The following RALGAPA2 variants were observed in gnomAD, a reference collection of about 807,000 sequenced individuals.
RALGAPA2 encodes ral GTPase-activating protein subunit alpha-2.
Under a neutral mutation model 230.4 loss-of-function variants are expected in RALGAPA2, and 139 were observed. The observed-to-expected ratio is 0.60, with a 90% CI of 0.53 to 0.69. The LOEUF is 0.69. Ranked by LOEUF, RALGAPA2 falls within the 30% of genes least tolerant of loss-of-function variation. RALGAPA2 has a pLI of 0.00. For synonymous variants in RALGAPA2, 847 were observed against 837.8 expected (o/e 1.01, Z -0.19); for missense variants, 2,163 against 2,276.0 (o/e 0.95, Z 1.01).
chr20:20,541,054 A>AG (rs1337404234), intron 24 of RALGAPA2, among the ~76,000 whole-genome samples: 5 of 88,402 alleles, frequency 5.7e-5, no homozygotes, highest in Non-Finnish European at 1.1e-4. Context: ...AAAAGTCAGG[A>AG]GAATTTTTTT....
chr20:20,699,890 C>T (rs1235948087), intron 1 of RALGAPA2, among the ~76,000 whole-genome samples: 1 of 152,272 alleles, frequency 6.6e-6, no homozygotes, highest in South Asian at 2.1e-4. Flanking sequence ...ATGTGGAAAG[C>T]AGTTTTGAGT....
At position 20,596,099 on chromosome 20, in the gene RALGAPA2, T is replaced by C. The variant is rs78279644; in HGVS notation, c.2204-4785A>G. On this transcript the variant is annotated intron_variant, in intron 16 of 39. Coordinates refer to ENST00000202677, the MANE Select transcript of RALGAPA2 (RefSeq NM_020343.4). ...CCAACTGTGTTTCTTTATGTAGCTA[T>C]TCATATTAATGGAAACAGGTGGTTG... 7.0e-3 allele frequency among the ~76,000 whole-genome samples: 1,068 copies of C among 152,330 alleles called. 13 individuals are homozygous for C. The highest frequency in any genetic ancestry group is 0.024 in the African/African-American group (1,012 of 41,574).
At chr20:20,640,948 G>A (rs6082079) in intron 5 of RALGAPA2, 70 bp from the exon 6 acceptor site, 67,376 of 1,346,220 alleles carry the variant, frequency 0.05, 2,375 homozygotes, top group East Asian at 0.14. Context: ...ATGTAGCATC[G>A]GTCTTGAGAA....
In RALGAPA2 at chr20:20,411,091, A is replaced by C. The variant is rs189735260; in HGVS notation, c.5617+936T>G. Among the ~76,000 whole-genome samples the C allele has an allele frequency of 5.9e-3, 896 of 152,326 alleles. 4 individuals are homozygous for C. The highest frequency in any genetic ancestry group is 9.5e-3 in the Non-Finnish European group (643 of 68,028). ...TATAAGATATTTGTTAACAAGTCAG[A>C]ATAGGAGAAGTAAGGCAGTGTTCAG... On this transcript the variant is annotated intron_variant, in intron 38 of 39. Transcript: ENST00000202677.
chr20:20,505,419 C>T lies in RALGAPA2; in HGVS notation c.5044G>A (p.Gly1682Arg). 1 of 1,598,260 alleles carries T rather than the reference C, an allele frequency of 6.3e-7. No homozygotes were observed. Among genetic ancestry groups the T allele is most frequent in the Non-Finnish European group, 8.5e-7 (1 of 1,172,072 alleles). ...QAYEDFVAGL[G>R]WEVDLSTHCG... is the part of the protein sequence containing the mutation. Reference sequence around the variant, plus strand: ...TGAATGAAATGCATTACCTCCCATCCAAGTCCAGCAACAAAGTCTTCATAT... The same window carrying T: ...TGAATGAAATGCATTACCTCCCATCTAAGTCCAGCAACAAAGTCTTCATAT... The change falls in exon 34 of 40, where the codon GGA becomes AGA. Residue 1682 changes from glycine (G) to arginine (R), a missense_variant. Gly to Arg is a moderately radical substitution (Grantham distance 125). Coordinates refer to ENST00000202677, the MANE Select transcript of RALGAPA2 (RefSeq NM_020343.4).
At chr20:20,527,380 G>A (rs2063236906) in intron 27 of RALGAPA2, among the ~76,000 whole-genome samples, 1 of 152,120 alleles carries the variant, frequency 6.6e-6, no homozygotes, top group Admixed American at 6.5e-5. Flanking sequence ...GCCTTCTCTG[G>A]CCACAGAGAC....
chr20:20,513,264 C>A lies in RALGAPA2; in HGVS notation c.4105G>T (p.Glu1369Ter). 6.8e-7 allele frequency: 1 copy of A among 1,473,084 alleles called. No homozygotes were observed. The highest frequency in any genetic ancestry group is 9.0e-7 in the Non-Finnish European group (1 of 1,112,608). The allele number at this position is 1,473,084 out of a possible 1,614,324, so 91.3% of individuals were successfully genotyped here. A position where few individuals can be genotyped will look rare whatever the true frequency, so the allele number is the denominator to read the frequency against. ...VEEEKKRRSL[E>*]LIPLTARMVM... is the part of the protein sequence containing the mutation. ...ATTCGAGCAGTCAAAGGGATCAACT[C>A]CAAACTTCTTCTCTTCTTCTCTGTA... Residue 1369 changes from glutamate (E) to a stop codon, truncating the protein, a stop_gained, in exon 32 of 40, where the codon GAG becomes TAG. Transcript: ENST00000202677. LOFTEE classifies it high-confidence loss of function.
chr20:20,616,354 T>A (rs919238140), intron 12 of RALGAPA2, among the ~76,000 whole-genome samples, 163 bp from the exon 13 acceptor site: 4 of 151,786 alleles, frequency 2.6e-5, no homozygotes, highest in East Asian at 1.9e-4. Flanking sequence ...ATATTCAAAA[T>A]TTTTTTTTGG....
At chr20:20,673,239 A>C (rs2068200210) in intron 3 of RALGAPA2, among the ~76,000 whole-genome samples, 1 of 151,426 alleles carries the variant, frequency 6.6e-6, no homozygotes. Context: ...AAAATGAAAA[A>C]AAAGAAGCCA....
chr20:20,526,237 G>GA lies in RALGAPA2; in HGVS notation c.3693+14dup, dbSNP rs748267680. The GA allele has an allele frequency of 9.9e-6, 15 of 1,516,474 alleles. No homozygotes were observed. In the African/African-American group the frequency reaches 1.9e-4, roughly 20 times the overall value. The allele number at this position is 1,516,474 out of a possible 1,614,324, so 93.9% of individuals were successfully genotyped here. The stretch of plus-strand genomic sequence containing the variant: ...GAAATGCTTATGTTTTAGTATTACA[G>GA]AAAAAAAGACTTACTTCTGCCATTT... On this transcript the variant is annotated intron_variant, in intron 28 of 39. Coordinates refer to ENST00000202677, the MANE Select transcript of RALGAPA2 (RefSeq NM_020343.4).
At chr20:20,394,078 C>T (rs1382942624) in intron 39 of RALGAPA2, among the ~76,000 whole-genome samples, 2 of 152,216 alleles carry the variant, frequency 1.3e-5, no homozygotes, top group Non-Finnish European at 2.9e-5. Context: ...ACATCTTCCT[C>T]CCTGCGTGAT....
In RALGAPA2 at chr20:20,440,199, C is replaced by CA. The variant is rs1372027787; in HGVS notation, c.5496-28052dup. 3.3e-5 allele frequency among the ~76,000 whole-genome samples: 5 copies of CA among 152,140 alleles called. No individual in the cohort carries two copies. In the East Asian group the frequency reaches 9.7e-4, roughly 29 times the overall value. Reference sequence around the variant, plus strand: ...GCTTTATAAAGGAAGATAGAGAAAGCAAAATGACCTGGCCCAGAATACATG... The same window carrying CA: ...GCTTTATAAAGGAAGATAGAGAAAGCAAAAATGACCTGGCCCAGAATACATG... On this transcript the variant is annotated intron_variant, in intron 37 of 39. Coordinates refer to ENST00000202677, the MANE Select transcript of RALGAPA2 (RefSeq NM_020343.4).
intron 37 of RALGAPA2, among the ~76,000 whole-genome samples, chr20:20,421,215 C>T (rs981836628): frequency 6.6e-6 from 1 of 152,124 alleles, no homozygotes; most frequent in African/African-American, 2.4e-5. Flanking sequence ...TGCTCAACAC[C>T]ACAAGTCATT....
chr20:20,537,191 G>A (rs754815410), intron 24 of RALGAPA2, among the ~76,000 whole-genome samples: 1 of 152,194 alleles, frequency 6.6e-6, no homozygotes, highest in African/African-American at 2.4e-5. Context: ...CTATCGGAGA[G>A]TAGAAAGAGA....
At chr20:20,438,792 TC>T (rs1267753509) in intron 37 of RALGAPA2, among the ~76,000 whole-genome samples, 2 of 152,128 alleles carry the variant, frequency 1.3e-5, no homozygotes, top group African/African-American at 4.8e-5. Flanking sequence ...TATATGTATT[TC>T]CCCCCAAACA....
At chr20:20,430,770 A>C (rs191437437) in intron 37 of RALGAPA2, among the ~76,000 whole-genome samples, 1 of 152,358 alleles carries the variant, frequency 6.6e-6, no homozygotes, top group African/African-American at 2.4e-5. Context: ...AACATCACGT[A>C]TGTACATCAC....
At position 20,390,608 on chromosome 20, in the gene RALGAPA2, G is replaced by C. The variant is rs2059587614; in HGVS notation, c.*2681C>G. 2 of 152,030 alleles carry C rather than the reference G, an allele frequency of 1.3e-5. No homozygotes were observed. The highest frequency in any genetic ancestry group is 3.9e-4 in the East Asian group (2 of 5,176). 9.4% of individuals were successfully genotyped at this position (152,030 alleles called of 1,614,324 possible). ...GTGATGAGTCAGCGCTGTGCCTCAG[G>C]TGGGGCCCTAGTGGATGAATGATCC... On this transcript the variant is annotated 3_prime_UTR_variant, in exon 40 of 40. Coordinates refer to ENST00000202677, the MANE Select transcript of RALGAPA2 (RefSeq NM_020343.4).
chr20:20,543,952 C>T (rs1394401968), intron 24 of RALGAPA2, among the ~76,000 whole-genome samples: 1 of 150,214 alleles, frequency 6.7e-6, no homozygotes, highest in Non-Finnish European at 1.5e-5. Context: ...AAAAAACAAA[C>T]AAACAAACAA....
chr20:20,564,597 T>A (rs2064356507), intron 23 of RALGAPA2, among the ~76,000 whole-genome samples: 1 of 152,164 alleles, frequency 6.6e-6, no homozygotes, highest in East Asian at 1.9e-4. Context: ...ACCCTAATAA[T>A]AAAGTGCCTA....
Sources: gnomAD v4.1 joint callset for allele counts (sites outside exome capture counted in the v4.1 genomes callset) on GRCh38, gnomAD v4.1.1 for gene constraint, MANE v1.5 for transcripts, NCBI Gene and HGNC (gene_info 2026-07-23, HGNC 2026-07-21) for gene names.